Variants in IQSEC1 observed in about 807,000 individuals in gnomAD.
The protein encoded by IQSEC1 is IQ motif and Sec7 domain ArfGEF 1.
A neutral mutation model predicts 91.0 loss-of-function variants in IQSEC1; 31 were observed. The ratio of observed to expected loss-of-function variants is 0.34; its 90% CI spans 0.26 to 0.46. IQSEC1 has a LOEUF of 0.46. Ranked by LOEUF, IQSEC1 falls within the 20% of genes least tolerant of loss-of-function variation. The pLI, the probability that IQSEC1 is intolerant of heterozygous loss-of-function variation, is 1.00. For synonymous variants in IQSEC1, 699 were observed against 662.6 expected (o/e 1.05, Z -0.84); for missense variants, 1,388 against 1,575.6 (o/e 0.88, Z 2.02).
intron 2 of IQSEC1, among the ~76,000 whole-genome samples, chr3:13,097,912 T>C (rs62232952): frequency 0.086 from 13,126 of 152,316 alleles, 827 homozygotes; most frequent in East Asian, 0.28. Context: ...GAGGTGCCCA[T>C]CTGTCCCACA....
chr3:13,003,600 A>T (rs1329762702), intron 1 of IQSEC1, among the ~76,000 whole-genome samples: 3 of 152,260 alleles, frequency 2.0e-5, no homozygotes, highest in Non-Finnish European at 2.9e-5. Context: ...TGTACACTTA[A>T]AATGAGTGAA....
In IQSEC1 at chr3:12,924,483, G is replaced by T; in HGVS notation, c.1730+98C>A. ...GGGGGCCCACCACATGTCCCAGCAAGTAGGGTGGGCCTGGCCCTGTGTGTG... is the reference window on the plus strand; with the variant it reads ...GGGGGCCCACCACATGTCCCAGCAATTAGGGTGGGCCTGGCCCTGTGTGTG... On this transcript the variant is annotated intron_variant, in intron 4 of 13. Transcript: ENST00000613206. This position sits in a 1 kb window ranked among gnomAD's most constrained non-coding sequence, Gnocchi z 6.3. The T allele has an allele frequency of 7.9e-7, 1 of 1,260,250 alleles. No individual in the cohort carries two copies. Among genetic ancestry groups the T allele is most frequent in the Non-Finnish European group, 1.1e-6 (1 of 922,982 alleles). 78.1% of individuals were successfully genotyped at this position (1,260,250 alleles called of 1,614,324 possible).
At chr3:12,963,818 T>C (rs894751183) in intron 1 of IQSEC1, among the ~76,000 whole-genome samples, 4 of 152,262 alleles carry the variant, frequency 2.6e-5, no homozygotes, top group African/African-American at 7.2e-5. Context: ...TAAATGTTTG[T>C]TGTGTGCATA....
intron 2 of IQSEC1, among the ~76,000 whole-genome samples, chr3:13,131,757 G>T (rs1487794186): frequency 6.6e-6 from 1 of 152,086 alleles, no homozygotes. Context: ...AAAGTGCAAG[G>T]ATTATAGGTG....
chr3:12,912,510 A>T (rs2125099556), intron 9 of IQSEC1, among the ~76,000 whole-genome samples: 1 of 152,294 alleles, frequency 6.6e-6, no homozygotes, highest in East Asian at 1.9e-4. Context: ...AGGGTTAGCC[A>T]GTCCTCATAC....
At chr3:12,904,537 G>A (rs1694753113) in intron 12 of IQSEC1, among the ~76,000 whole-genome samples, 1 of 152,168 alleles carries the variant, frequency 6.6e-6, no homozygotes, top group South Asian at 2.1e-4. Flanking sequence ...CCAACACAGT[G>A]GTCCAGGGAC....
rs77765906 is a variant in IQSEC1 at position 12,907,089 on chromosome 3, C to T, written c.2755+1260G>A. Among the ~76,000 whole-genome samples the T allele has an allele frequency of 2.9e-3, 434 of 152,228 alleles. 2 individuals are homozygous for T. Among genetic ancestry groups the T allele is most frequent in the African/African-American group, 9.3e-3 (385 of 41,510 alleles). On this transcript the variant is annotated intron_variant, in intron 12 of 13. Coordinates refer to ENST00000613206, the MANE Select transcript of IQSEC1 (RefSeq NM_001134382.3). ...ATGCGAGTAAACATCTTGCCAAGCC[C>T]GGGACGGTCCCCCAGCAAGGAGTCA... is the stretch of plus-strand genomic sequence containing the variant.
rs58830424 is a variant in IQSEC1 at position 13,118,342 on chromosome 3, G to A, written c.302+45762C>T. 5.7e-3 allele frequency among the ~76,000 whole-genome samples: 866 copies of A among 152,274 alleles called. 12 individuals are homozygous for A. The highest frequency in any genetic ancestry group is 0.02 in the African/African-American group (826 of 41,550). Reference sequence around the variant, plus strand: ...CCCAAAGAACTGAAAGCAGGGTCTCGAACAGATGTTTGCACACACATGTTC... The same window carrying A: ...CCCAAAGAACTGAAAGCAGGGTCTCAAACAGATGTTTGCACACACATGTTC... On this transcript the variant is annotated intron_variant, in intron 2 of 15. Transcript: ENST00000648114.
At chr3:12,904,661 G>A (rs1559601691) in intron 12 of IQSEC1, among the ~76,000 whole-genome samples, 1 of 152,222 alleles carries the variant, frequency 6.6e-6, no homozygotes. Flanking sequence ...TGGAAATGTG[G>A]AGGGACAGAG....
intron 1 of IQSEC1, among the ~76,000 whole-genome samples, chr3:12,943,653 A>C (rs992436540): frequency 2.6e-5 from 4 of 152,160 alleles, no homozygotes; most frequent in African/African-American, 9.7e-5. Context: ...GACCCAGGGC[A>C]GTGGGTCCAG....
intron 1 of IQSEC1, among the ~76,000 whole-genome samples, chr3:13,229,549 CAAATGCAGGGG>C (rs1027249127): frequency 6.6e-6 from 1 of 152,190 alleles, no homozygotes; most frequent in Non-Finnish European, 1.5e-5. Context: ...GCATTACAGA[CAAATGCAGGGG>C]AAATGTGGTG....
intron 1 of IQSEC1, among the ~76,000 whole-genome samples, chr3:13,192,702 G>C (rs558759734): frequency 1.3e-5 from 2 of 152,368 alleles, no homozygotes; most frequent in African/African-American, 4.8e-5. Context: ...CTCTGTGGCT[G>C]GGAGCCACCC....
At chr3:13,271,538 G>A (rs1473881555) in intron 1 of IQSEC1, among the ~76,000 whole-genome samples, 2 of 152,216 alleles carry the variant, frequency 1.3e-5, no homozygotes, top group Non-Finnish European at 2.9e-5. Flanking sequence ...GCTCATGCCT[G>A]TAATTCCAGA....
In IQSEC1 at chr3:12,902,741, C is replaced by T. The variant is rs529881105; in HGVS notation, c.2805+32G>A. 1.4e-5 allele frequency: 21 copies of T among 1,498,136 alleles called. No homozygotes were observed. The East Asian group carries it at 3.7e-4, about 27-fold the overall frequency. 92.8% of individuals were successfully genotyped at this position (1,498,136 alleles called of 1,614,324 possible). A position where few individuals can be genotyped will look rare whatever the true frequency, so the allele number is the denominator to read the frequency against. ...GAGGACTGGGGAAGGCGACACAGGA[C>T]AGCCAGCTGGACAGAGGCGCTTCCT... On this transcript the variant is annotated intron_variant, in intron 13 of 13. Coordinates refer to ENST00000613206, the MANE Select transcript of IQSEC1 (RefSeq NM_001134382.3).
At chr3:13,266,580 GC>G (rs1412598161) in intron 1 of IQSEC1, among the ~76,000 whole-genome samples, 3 of 149,948 alleles carry the variant, frequency 2.0e-5, no homozygotes, top group African/African-American at 7.4e-5. Flanking sequence ...GGAGGAAGCA[GC>G]TTTTTTTTTT....
At chr3:13,111,809 C>T (rs1173403680) in intron 2 of IQSEC1, among the ~76,000 whole-genome samples, 1 of 152,192 alleles carries the variant, frequency 6.6e-6, no homozygotes, top group Non-Finnish European at 1.5e-5. Flanking sequence ...GCCAGGAACC[C>T]AATCCACCAG....
chr3:12,985,392 C>T (rs1383076614), intron 1 of IQSEC1, among the ~76,000 whole-genome samples: 1 of 152,174 alleles, frequency 6.6e-6, no homozygotes, highest in African/African-American at 2.4e-5. Flanking sequence ...CCCGCCCTTG[C>T]TCTAGATCCA....
chr3:13,038,246 A>ATGTG (rs1303265508), intron 1 of IQSEC1, among the ~76,000 whole-genome samples: 1 of 81,574 alleles, frequency 1.2e-5, no homozygotes, highest in African/African-American at 5.8e-5. Flanking sequence ...ACAAGTATAT[A>ATGTG]TATGTGTGTG....
At chr3:13,060,411 G>A (rs1705025278) in intron 1 of IQSEC1, among the ~76,000 whole-genome samples, 1 of 152,192 alleles carries the variant, frequency 6.6e-6, no homozygotes, top group Non-Finnish European at 1.5e-5. Context: ...CCTTACGGCT[G>A]GATCCGGGTT....
Sources: allele counts gnomAD v4.1 joint callset (sites outside exome capture counted in the v4.1 genomes callset), GRCh38; gene constraint gnomAD v4.1.1; non-coding constraint Gnocchi (gnomAD v3.1); transcripts MANE v1.5; gene names NCBI Gene and HGNC (gene_info 2026-07-23, HGNC 2026-07-21).